The following SEC23B variants were observed in gnomAD, a reference collection of about 807,000 sequenced individuals.
SEC23B encodes the protein SEC23 homolog B, COPII component, also known as protein transport protein Sec23B.
In SEC23B, 77 loss-of-function variants were observed where a neutral mutation model predicts 104.3. The ratio of observed to expected loss-of-function variants is 0.74; its 90% CI spans 0.61 to 0.89. The LOEUF (loss-of-function observed/expected upper bound fraction) is 0.89. Among genes scored for constraint, SEC23B ranks in the 40% least tolerant of loss-of-function variants. The pLI is 0.00. For synonymous variants in SEC23B, 338 were observed against 332.5 expected (o/e 1.02, Z -0.18); for missense variants, 885 against 949.4 (o/e 0.93, Z 0.89).
At chr20:18,515,465 C>G (rs568863965) in intron 3 of SEC23B, among the ~76,000 whole-genome samples, 185 bp from the exon 4 acceptor site, 1 of 152,228 alleles carries the variant, frequency 6.6e-6, no homozygotes, top group South Asian at 2.1e-4. Flanking sequence ...TGTGAGCCAC[C>G]ACGCCCAACT....
chr20:18,533,817 A>G (rs1331404065), intron 11 of SEC23B, among the ~76,000 whole-genome samples: 1 of 152,156 alleles, frequency 6.6e-6, no homozygotes, highest in Non-Finnish European at 1.5e-5. Flanking sequence ...TTGTACCCCT[A>G]TTTCCTGGCA....
intron 9 of SEC23B, among the ~76,000 whole-genome samples, chr20:18,528,809 T>A (rs900317924): frequency 1.3e-5 from 2 of 152,220 alleles, no homozygotes; most frequent in African/African-American, 4.8e-5. Context: ...GAACATCCCT[T>A]AGATTGTATG....
chr20:18,530,620 G>GA lies in SEC23B; in HGVS notation c.1110-59dup. Reference sequence around the variant, plus strand: ...TAAATTATTTTTGTAAATACTGAGGGAGCATCTGAATGGCTTTCAATCTTC... The same window carrying GA: ...TAAATTATTTTTGTAAATACTGAGGGAAGCATCTGAATGGCTTTCAATCTTC... On this transcript the variant is annotated intron_variant, in intron 9 of 19. Transcript: ENST00000650089. 5 of 1,585,684 alleles carry GA rather than the reference G, an allele frequency of 3.2e-6. No homozygotes were observed. In the South Asian group the frequency reaches 5.8e-5, roughly 18 times the overall value.
chr20:18,522,659 G>A (rs1299149008), intron 4 of SEC23B, among the ~76,000 whole-genome samples: 3 of 151,498 alleles, frequency 2.0e-5, no homozygotes, highest in African/African-American at 4.8e-5. Context: ...TCACGTGTCC[G>A]TGTGAAGAAA....
At chr20:18,537,127 T>C (rs1230622689) in intron 12 of SEC23B, among the ~76,000 whole-genome samples, 1 of 152,008 alleles carries the variant, frequency 6.6e-6, no homozygotes, top group Non-Finnish European at 1.5e-5. Flanking sequence ...ATAGGAACAC[T>C]TTTACACTGT....
Position 18,530,828 on chromosome 20 carries a change from T to A in SEC23B, c.1233+25T>A, listed in dbSNP as rs552940163. 2.5e-5 allele frequency: 39 copies of A among 1,572,928 alleles called. 1 individual carries two copies. Among genetic ancestry groups the A allele is most frequent in the Middle Eastern group, 1.8e-4 (1 of 5,584 alleles). ...GGTACGGTAAACTTTTTTTTTTTTT[T>A]ATGTGGACTCACTGTACTGCCCAGG... On this transcript the variant is annotated intron_variant, in intron 10 of 19. Coordinates refer to ENST00000650089, the MANE Select transcript of SEC23B (RefSeq NM_006363.6).
rs17807673 is a variant in SEC23B, at chr20:18,532,728, C to T, written c.1298C>T (p.Pro433Leu). 0.13 allele frequency: 214,338 copies of T among 1,611,526 alleles called. 15,733 individuals carry two copies. Among genetic ancestry groups the T allele is most frequent in the Non-Finnish European group, 0.15 (176,170 of 1,177,626 alleles). The part of the protein sequence containing the change: ...GPCVSLNVKG[P>L]CVSENELGVG... The stretch of plus-strand genomic sequence containing the variant: ...TGCGTATCTCTGAATGTGAAAGGAC[C>T]GTGTGTGTCAGAAAATGTAAGGAAA... The change falls in exon 11 of 20, where the codon CCG becomes CTG. Residue 433 changes from proline (P) to leucine (L), a missense_variant. Transcript: ENST00000650089.
intron 4 of SEC23B, among the ~76,000 whole-genome samples, chr20:18,521,809 G>A (rs1268415964): frequency 6.6e-6 from 1 of 152,072 alleles, no homozygotes; most frequent in Non-Finnish European, 1.5e-5. Context: ...GATTTGGGAC[G>A]AGTCGCATTG....
chr20:18,508,757 T>C (rs1268925926), intron 1 of SEC23B, among the ~76,000 whole-genome samples: 3 of 141,824 alleles, frequency 2.1e-5, no homozygotes, highest in Non-Finnish European at 4.5e-5. Context: ...TCTCGCTCTG[T>C]CGCCCAGGCT....
Position 18,526,471 on chromosome 20 carries a change from TA to T in SEC23B, c.934del (p.Ile312PhefsTer15). 1 of 1,614,240 alleles carries T rather than the reference TA, an allele frequency of 6.2e-7. No individual in the cohort carries two copies. Among genetic ancestry groups the T allele is most frequent in the Non-Finnish European group, 8.5e-7 (1 of 1,180,044 alleles). On this transcript the variant is annotated frameshift_variant, in exon 8 of 20. Transcript: ENST00000650089. LOFTEE classifies it high-confidence loss of function. ...MVVGDELKIP[I>X]RSWHDIEKDN... ...TGGTTGGAGATGAATTAAAGATTCCTATTCGTTCTTGGCATGATATTGAGAA... is the reference window on the plus strand; with the variant it reads ...TGGTTGGAGATGAATTAAAGATTCCTTTCGTTCTTGGCATGATATTGAGAA...
intron 8 of SEC23B, 24 bp from the exon 9 acceptor site, chr20:18,527,472 A>C: frequency 7.4e-7 from 1 of 1,348,314 alleles, no homozygotes. Flanking sequence ...CTGTTTCCTA[A>C]AGATAGCTTT....
rs1600265736 is a variant in SEC23B at position 18,543,201 on chromosome 20, A to G, written c.1665+29A>G. 1.9e-6 allele frequency: 3 copies of G among 1,613,924 alleles called. No individual in the cohort carries two copies. The East Asian group carries it at 6.7e-5, about 36-fold the overall frequency. On this transcript the variant is annotated intron_variant, in intron 14 of 19. Transcript: ENST00000650089. ...AATTGGGGACAGTGGCATTAGGTTC[A>G]GTCTTGGTTTCTGCTTTACTTTCGA... is the stretch of plus-strand genomic sequence containing the variant.
At chr20:18,527,446 C>T in intron 8 of SEC23B, 50 bp from the exon 9 acceptor site, 1 of 1,018,206 alleles carries the variant, frequency 9.8e-7, no homozygotes. Flanking sequence ...TCAGGCATAC[C>T]TTGGGAATAA....
At chr20:18,518,264 C>G (rs1468663658) in intron 4 of SEC23B, among the ~76,000 whole-genome samples, 1 of 152,144 alleles carries the variant, frequency 6.6e-6, no homozygotes, top group Non-Finnish European at 1.5e-5. Context: ...AGGCCTCTAC[C>G]CATCCAGTGA....
chr20:18,512,206 ATAT>A lies in SEC23B; in HGVS notation c.222-17_222-15del. Reference sequence around the variant, plus strand: ...AAAATAAAAGTGGTACCTACTTATAATATTTATCTTTCTCACAGTCAGGTTGAT... The same window carrying A: ...AAAATAAAAGTGGTACCTACTTATAATTATCTTTCTCACAGTCAGGTTGAT... On this transcript the variant is annotated splice_polypyrimidine_tract_variant and intron_variant, in intron 2 of 19. Coordinates refer to ENST00000650089, the MANE Select transcript of SEC23B (RefSeq NM_006363.6). 1 of 1,518,824 alleles carries A rather than the reference ATAT, an allele frequency of 6.6e-7. No individual in the cohort carries two copies. Among genetic ancestry groups the A allele is most frequent in the Non-Finnish European group, 9.1e-7 (1 of 1,101,320 alleles). 94.1% of individuals were successfully genotyped at this position (1,518,824 alleles called of 1,614,324 possible). A position where few individuals can be genotyped will look rare whatever the true frequency, so the allele number is the denominator to read the frequency against.
intron 4 of SEC23B, among the ~76,000 whole-genome samples, chr20:18,517,734 C>G (rs6045445): frequency 0.92 from 140,622 of 152,190 alleles, 65,876 homozygotes; most frequent in East Asian, 1. Flanking sequence ...AAGATTTTGG[C>G]GTAAGGGGTG....
At chr20:18,525,258 A>G (rs2095884068) in intron 6 of SEC23B, among the ~76,000 whole-genome samples, 1 of 152,232 alleles carries the variant, frequency 6.6e-6, no homozygotes, top group Non-Finnish European at 1.5e-5. Context: ...AAAACTGGAA[A>G]AACTGAAAAG....
chr20:18,524,512 AGTCCCTGCAGAT>A lies in SEC23B; in HGVS notation c.454_465del (p.Gln152_Leu155del). ...GAAGATGACCTTCAAGCACTCAAAGAGTCCCTGCAGATGTCCCTGAGTCTTCTTCCTCCAGAT... is the reference window on the plus strand; with the variant it reads ...GAAGATGACCTTCAAGCACTCAAAGAGTCCCTGAGTCTTCTTCCTCCAGAT... On this transcript the variant is annotated inframe_deletion, in exon 5 of 20. Coordinates refer to ENST00000650089, the MANE Select transcript of SEC23B (RefSeq NM_006363.6). 6.2e-7 allele frequency: 1 copy of A among 1,614,222 alleles called. No homozygotes were observed. The highest frequency in any genetic ancestry group is 8.5e-7 in the Non-Finnish European group (1 of 1,180,026).
chr20:18,509,595 T>G (rs1370681512), intron 1 of SEC23B: 1 of 149,606 alleles, frequency 6.7e-6, no homozygotes, highest in Non-Finnish European at 1.5e-5. Flanking sequence ...GACCACAGTC[T>G]TCATTTTTTT....
Sources: gnomAD v4.1 joint callset for allele counts (sites outside exome capture counted in the v4.1 genomes callset) on GRCh38, gnomAD v4.1.1 for gene constraint, MANE v1.5 for transcripts, NCBI Gene and HGNC (gene_info 2026-07-23, HGNC 2026-07-21) for gene names.